The following MAP4K3 variants were observed in gnomAD, a reference collection of about 807,000 sequenced individuals.
The protein encoded by MAP4K3 is mitogen-activated protein kinase kinase kinase kinase 3, also known as MAPK/ERK kinase kinase kinase 3.
In MAP4K3, 94 loss-of-function variants were observed where a neutral mutation model predicts 143.5. The observed-to-expected ratio is 0.65, with a 90% CI of 0.55 to 0.78. The LOEUF (loss-of-function observed/expected upper bound fraction) is 0.78. MAP4K3 is among the 30% of genes least tolerant of loss of function. The pLI, the probability that MAP4K3 is intolerant of heterozygous loss-of-function variation, is 0.00. For synonymous variants in MAP4K3, 416 were observed against 347.2 expected, an observed-to-expected ratio of 1.20 and a Z score of -2.20; for missense variants, 1,077 against 1,068.1, an observed-to-expected ratio of 1.01 and a Z score of -0.12.
chr2:39,350,894 C>G (rs1307042366), intron 3 of MAP4K3, among the ~76,000 whole-genome samples: 2 of 152,074 alleles, frequency 1.3e-5, no homozygotes, highest in African/African-American at 4.8e-5. Context: ...AGGTCCAGCA[C>G]CTGTGGGGTT....
At chr2:39,407,519 A>G (rs887156263) in intron 1 of MAP4K3, among the ~76,000 whole-genome samples, 9 of 152,168 alleles carry the variant, frequency 5.9e-5, no homozygotes, top group Admixed American at 5.9e-4. Flanking sequence ...ATCATTCAGG[A>G]GAAAGGTTAT....
chr2:39,307,801 C>T (rs1263671191), intron 15 of MAP4K3, 142 bp downstream of exon 15: 51 of 480,042 alleles, frequency 1.1e-4, no homozygotes, highest in East Asian at 1.0e-4. Context: ...GAAAAAACTG[C>T]TACAATTCTT....
At chr2:39,304,118 A>G (rs1682607604) in intron 15 of MAP4K3, among the ~76,000 whole-genome samples, 1 of 149,946 alleles carries the variant, frequency 6.7e-6, no homozygotes, top group African/African-American at 2.5e-5. Context: ...ATCAAGCCCT[A>G]TTCTTCTGGC....
intron 3 of MAP4K3, among the ~76,000 whole-genome samples, chr2:39,347,738 A>T (rs568992961): frequency 9.2e-5 from 14 of 152,134 alleles, no homozygotes; most frequent in East Asian, 7.7e-4. Flanking sequence ...AAATAAATAA[A>T]TTTTTTTCTT....
chr2:39,360,600 A>G (rs561424282), intron 2 of MAP4K3, among the ~76,000 whole-genome samples: 21 of 152,326 alleles, frequency 1.4e-4, no homozygotes, highest in African/African-American at 4.6e-4. Context: ...ATAAAGACCT[A>G]CCAAAGACTG....
rs1190894299 is a variant in MAP4K3, at chr2:39,384,308, G to T, written c.97-6185C>A. 1.3e-5 allele frequency among the ~76,000 whole-genome samples: 2 copies of T among 152,150 alleles called. 1 individual carries two copies. The highest frequency in any genetic ancestry group is 4.1e-4 in the South Asian group (2 of 4,828). ...TGCCTGTAACCTCAGCACTTTGGGAGGCCGAGGTAGGCGGATCACCTGAGG... is the reference window on the plus strand; with the variant it reads ...TGCCTGTAACCTCAGCACTTTGGGATGCCGAGGTAGGCGGATCACCTGAGG... On this transcript the variant is annotated intron_variant, in intron 1 of 33. Coordinates refer to ENST00000263881, the MANE Select transcript of MAP4K3 (RefSeq NM_003618.4).
intron 26 of MAP4K3, among the ~76,000 whole-genome samples, chr2:39,267,952 A>G (rs1680834670): frequency 6.6e-6 from 1 of 152,204 alleles, no homozygotes; most frequent in African/African-American, 2.4e-5. Context: ...TTACCAAAAG[A>G]TATCATTGAG....
chr2:39,331,725 G>T (rs756125565), intron 8 of MAP4K3, among the ~76,000 whole-genome samples, 192 bp downstream of exon 8: 2 of 152,080 alleles, frequency 1.3e-5, no homozygotes, highest in Non-Finnish European at 2.9e-5. Flanking sequence ...TTTCTCCTTA[G>T]TGAAAAATAA....
At chr2:39,340,005 A>G (rs2148531520) in intron 4 of MAP4K3, among the ~76,000 whole-genome samples, 1 of 151,424 alleles carries the variant, frequency 6.6e-6, no homozygotes, top group East Asian at 1.9e-4. Context: ...AAACAAACAC[A>G]AAAAGCTCAA....
At chr2:39,281,544 T>G (rs1309266869) in intron 22 of MAP4K3, among the ~76,000 whole-genome samples, 1 of 152,082 alleles carries the variant, frequency 6.6e-6, no homozygotes. Context: ...TGCTAACCCC[T>G]AGAAATTTAA....
At chr2:39,435,785 T>C (rs898421669) in intron 1 of MAP4K3, among the ~76,000 whole-genome samples, 4 of 152,208 alleles carry the variant, frequency 2.6e-5, no homozygotes, top group African/African-American at 4.8e-5. Flanking sequence ...CTATATTGCA[T>C]AGTAGGAAAA....
chr2:39,391,199 A>T (rs965774869), intron 1 of MAP4K3, among the ~76,000 whole-genome samples: 1 of 151,188 alleles, frequency 6.6e-6, no homozygotes, highest in East Asian at 1.9e-4. Flanking sequence ...ACTAAAAAAA[A>T]CACACAAAAA....
chr2:39,300,923 G>A (rs893308557), intron 15 of MAP4K3, among the ~76,000 whole-genome samples: 2 of 152,148 alleles, frequency 1.3e-5, no homozygotes, highest in Non-Finnish European at 2.9e-5. Flanking sequence ...GTCTAGCATT[G>A]TTCCTGGCAC....
chr2:39,268,222 C>A (rs1573073709), intron 26 of MAP4K3, among the ~76,000 whole-genome samples: 1 of 152,108 alleles, frequency 6.6e-6, no homozygotes, highest in African/African-American at 2.4e-5. Flanking sequence ...TACACATACA[C>A]TCAAATGTCT....
At chr2:39,341,034 C>T (rs1460017716) in intron 4 of MAP4K3, among the ~76,000 whole-genome samples, 1 of 151,920 alleles carries the variant, frequency 6.6e-6, no homozygotes, top group Non-Finnish European at 1.5e-5. Flanking sequence ...GATAATTGTC[C>T]AGATGTGATA....
chr2:39,328,670 C>T (rs1239625421), intron 8 of MAP4K3, among the ~76,000 whole-genome samples: 1 of 152,124 alleles, frequency 6.6e-6, no homozygotes, highest in East Asian at 1.9e-4. Context: ...TTTCAACATT[C>T]ATACAACTGT....
rs575336640 is a variant in MAP4K3, at chr2:39,336,372, C to T, written c.414+548G>A. Among the ~76,000 whole-genome samples the T allele has an allele frequency of 4.2e-4, 61 of 143,600 alleles. No individual in the cohort carries two copies. In the South Asian group the frequency reaches 0.013, roughly 31 times the overall value. 94.2% of individuals were successfully genotyped at this position (143,600 alleles called of 152,430 possible). ...GCTGTAATCCCAGCTACTCGGGAGG[C>T]TGAGGCAGGGGAATCACTTGAACCC... is the stretch of plus-strand genomic sequence containing the variant. On this transcript the variant is annotated intron_variant, in intron 6 of 33. Coordinates refer to ENST00000263881, the MANE Select transcript of MAP4K3 (RefSeq NM_003618.4).
intron 4 of MAP4K3, among the ~76,000 whole-genome samples, chr2:39,339,058 A>G (rs1665066913): frequency 6.6e-6 from 1 of 152,246 alleles, no homozygotes; most frequent in Non-Finnish European, 1.5e-5. Context: ...GGGAGAGACT[A>G]TTCTAGAAAT....
intron 20 of MAP4K3, 47 bp downstream of exon 20, chr2:39,288,074 T>C: frequency 4.4e-6 from 7 of 1,604,512 alleles, no homozygotes; most frequent in Non-Finnish European, 6.0e-6. Context: ...TTTCTCCCCA[T>C]AGTATGAAAA....
Sources: gnomAD v4.1 joint callset for allele counts (sites outside exome capture counted in the v4.1 genomes callset) on GRCh38, gnomAD v4.1.1 for gene constraint, MANE v1.5 for transcripts, NCBI Gene and HGNC (gene_info 2026-07-23, HGNC 2026-07-21) for gene names.